Variants in PTPRT observed in about 807,000 individuals in gnomAD.
The protein encoded by PTPRT is receptor-type tyrosine-protein phosphatase T.
In PTPRT, 56 loss-of-function variants were observed where a neutral mutation model predicts 176.8. That is an observed-to-expected ratio of 0.32 (90% CI 0.26 to 0.40). The LOEUF (loss-of-function observed/expected upper bound fraction) is 0.40, where lower values mean the gene tolerates loss of function less well. Ranked by LOEUF, PTPRT falls within the 10% of genes least tolerant of loss-of-function variation. The pLI, the probability that PTPRT is intolerant of heterozygous loss-of-function variation, is 1.00. For missense variants in PTPRT, 1,540 were observed against 1,908.2 expected (o/e 0.81, Z 3.60); for synonymous variants, 783 against 739.0 (o/e 1.06, Z -0.96).
intron 1 of PTPRT, among the ~76,000 whole-genome samples, chr20:43,073,906 A>G (rs984327750): frequency 2.0e-5 from 3 of 151,988 alleles, no homozygotes; most frequent in Non-Finnish European, 4.4e-5. Context: ...ATATGTCACC[A>G]GGCCCAGCTA....
intron 1 of PTPRT, among the ~76,000 whole-genome samples, chr20:43,072,238 C>T (rs2011191289): frequency 6.6e-6 from 1 of 152,196 alleles, no homozygotes; most frequent in Non-Finnish European, 1.5e-5. Flanking sequence ...TTATAGACAT[C>T]ATAGTCATGC....
At position 42,492,798 on chromosome 20, in the gene PTPRT, G is replaced by A. The variant is rs895362477; in HGVS notation, c.1154-20236C>T. Among the ~76,000 whole-genome samples the A allele has an allele frequency of 3.9e-5, 6 of 152,098 alleles. No homozygotes were observed. In the East Asian group the frequency reaches 9.6e-4, roughly 24 times the overall value. The stretch of plus-strand genomic sequence containing the variant: ...TGGTTTTAATTGGGCTGCTTTTATG[G>A]CCTAATACATGTTCTATTTTTGTGA... On this transcript the variant is annotated intron_variant, in intron 7 of 30. Coordinates refer to ENST00000373187, the MANE Select transcript of PTPRT (RefSeq NM_007050.6).
At chr20:42,648,027 G>A (rs2074945656) in intron 7 of PTPRT, among the ~76,000 whole-genome samples, 2 of 152,140 alleles carry the variant, frequency 1.3e-5, no homozygotes, top group Admixed American at 6.5e-5. Flanking sequence ...TGGCCCTGAA[G>A]TGGGTCTTTC....
At chr20:43,141,106 G>C (rs1049589388) in intron 1 of PTPRT, among the ~76,000 whole-genome samples, 3 of 152,184 alleles carry the variant, frequency 2.0e-5, no homozygotes, top group African/African-American at 7.2e-5. Flanking sequence ...AAGAAATCCT[G>C]AAGCAAAATC....
chr20:42,604,957 G>A (rs2073847832), intron 7 of PTPRT, among the ~76,000 whole-genome samples: 1 of 152,176 alleles, frequency 6.6e-6, no homozygotes. Context: ...TTGTGTTGCT[G>A]ACAGCAGGCA....
intron 12 of PTPRT, among the ~76,000 whole-genome samples, chr20:42,294,504 C>T (rs1398364629): frequency 6.6e-6 from 1 of 151,888 alleles, no homozygotes; most frequent in Non-Finnish European, 1.5e-5. Context: ...ACAAAATCAT[C>T]GACTGAAAAA....
At chr20:42,677,404 C>T (rs553296341) in intron 7 of PTPRT, among the ~76,000 whole-genome samples, 1 of 151,906 alleles carries the variant, frequency 6.6e-6, no homozygotes, top group Admixed American at 6.5e-5. Context: ...AGAGACACAA[C>T]CAGAGCCAGG....
chr20:42,419,014 A>G (rs937308004), intron 9 of PTPRT, among the ~76,000 whole-genome samples: 2 of 152,230 alleles, frequency 1.3e-5, no homozygotes, highest in Non-Finnish European at 2.9e-5. Flanking sequence ...TTCCCAGCAT[A>G]TAATGAGTGT....
chr20:42,244,884 T>C (rs1315303093), intron 14 of PTPRT, among the ~76,000 whole-genome samples: 2 of 152,320 alleles, frequency 1.3e-5, no homozygotes, highest in South Asian at 2.1e-4. Context: ...CAGTGCCCCA[T>C]GGTATTAAGT....
intron 1 of PTPRT, among the ~76,000 whole-genome samples, chr20:42,902,923 G>A (rs2079424899): frequency 6.6e-6 from 1 of 152,300 alleles, no homozygotes; most frequent in South Asian, 2.1e-4. Context: ...TCTGGTGTAT[G>A]CTAGACATTA....
At position 42,941,756 on chromosome 20, in the gene PTPRT, G is replaced by A. The variant is rs572836161; in HGVS notation, c.89-55824C>T. 2.9e-4 allele frequency among the ~76,000 whole-genome samples: 44 copies of A among 152,244 alleles called. 2 individuals are homozygous for A. The South Asian group carries it at 8.7e-3, about 30-fold the overall frequency. ...CTGTTCTTAGATGCCCAGGTTGGTC[G>A]TGAACTCCTTGAGGTTAGGAAAGGA... On this transcript the variant is annotated intron_variant, in intron 1 of 30. Coordinates refer to ENST00000373187, the MANE Select transcript of PTPRT (RefSeq NM_007050.6).
chr20:42,721,962 A>G (rs2076310270), intron 6 of PTPRT, among the ~76,000 whole-genome samples: 1 of 151,994 alleles, frequency 6.6e-6, no homozygotes, highest in South Asian at 2.1e-4. Context: ...CTGTCTTGAT[A>G]CTCTGCTGGG....
At position 42,080,211 on chromosome 20, in the gene PTPRT, T is replaced by C. The variant is rs969605990; in HGVS notation, c.*668A>G. On this transcript the variant is annotated 3_prime_UTR_variant, in exon 31 of 31. Transcript: ENST00000373187. ...AGAACACCTTTATCAAAAACTGCTG[T>C]GGACACAGCTGGCCGGCCAGTGAAT... is the stretch of plus-strand genomic sequence containing the variant. 4.3e-6 allele frequency: 1 copy of C among 232,946 alleles called. No individual in the cohort carries two copies. Among genetic ancestry groups the C allele is most frequent in the Non-Finnish European group, 8.5e-6 (1 of 117,916 alleles). 14.4% of individuals were successfully genotyped at this position (232,946 alleles called of 1,614,324 possible).
At chr20:42,660,992 C>T (rs1328585363) in intron 7 of PTPRT, among the ~76,000 whole-genome samples, 1 of 152,096 alleles carries the variant, frequency 6.6e-6, no homozygotes, top group Non-Finnish European at 1.5e-5. Flanking sequence ...GCTGGGACTA[C>T]AGACGCATGC....
intron 6 of PTPRT, among the ~76,000 whole-genome samples, chr20:42,734,881 C>T (rs2076515020): frequency 6.6e-6 from 1 of 152,166 alleles, no homozygotes; most frequent in South Asian, 2.1e-4. Context: ...AACTGGCACA[C>T]CATCCCTTCT....
chr20:42,272,023 G>A (rs1227762533), intron 13 of PTPRT, among the ~76,000 whole-genome samples: 1 of 152,104 alleles, frequency 6.6e-6, no homozygotes, highest in Non-Finnish European at 1.5e-5. Context: ...TGTTTTAAAA[G>A]CACAATCTAA....
chr20:43,123,793 A>G (rs1328141122), intron 1 of PTPRT, among the ~76,000 whole-genome samples: 4 of 152,198 alleles, frequency 2.6e-5, no homozygotes, highest in African/African-American at 9.7e-5. Context: ...AGACCACCAG[A>G]TGAGATTTAG....
intron 9 of PTPRT, among the ~76,000 whole-genome samples, chr20:42,432,059 C>T (rs2059219858): frequency 6.6e-6 from 1 of 152,174 alleles, no homozygotes; most frequent in African/African-American, 2.4e-5. Flanking sequence ...GGGCATGGCT[C>T]ATAGGATGAG....
In PTPRT at chr20:42,074,733, A is replaced by T. The variant is rs1420230202; in HGVS notation, c.*6146T>A. 7 of 398,468 alleles carry T rather than the reference A, an allele frequency of 1.8e-5. No homozygotes were observed. The highest frequency in any genetic ancestry group is 2.7e-5 in the Non-Finnish European group (6 of 226,070). The allele number at this position is 398,468 out of a possible 1,614,324, so 24.7% of individuals were successfully genotyped here. On this transcript the variant is annotated 3_prime_UTR_variant, in exon 31 of 31. Transcript: ENST00000373187. ...GCCTCCTTTTAGAGACCTAACATTC[A>T]TGAGTGGATTTCAGTTGGTGAATGC...
Sources: gnomAD v4.1 joint callset for allele counts (sites outside exome capture counted in the v4.1 genomes callset) on GRCh38, gnomAD v4.1.1 for gene constraint, MANE v1.5 for transcripts, NCBI Gene and HGNC (gene_info 2026-07-23, HGNC 2026-07-21) for gene names.